Variants in SLC4A4 observed in about 807,000 individuals in gnomAD.
The protein encoded by SLC4A4 is solute carrier family 4 member 4.
Under a neutral mutation model 111.5 loss-of-function variants are expected in SLC4A4, and 27 were observed. The ratio of observed to expected loss-of-function variants is 0.24; its 90% CI spans 0.18 to 0.33. SLC4A4 has a LOEUF of 0.33. Ranked by LOEUF, SLC4A4 falls within the 10% of genes least tolerant of loss-of-function variation. The pLI, the probability that SLC4A4 is intolerant of heterozygous loss-of-function variation, is 1.00. For missense variants in SLC4A4, 909 were observed against 1,315.5 expected (o/e 0.69, Z 4.78); for synonymous variants, 443 against 463.4 (o/e 0.96, Z 0.57).
At chr4:71,414,164 G>A (rs1356953296) in intron 7 of SLC4A4, among the ~76,000 whole-genome samples, 2 of 152,178 alleles carry the variant, frequency 1.3e-5, no homozygotes, top group Admixed American at 6.5e-5. Flanking sequence ...TAATTTCCAG[G>A]TGCCCATGCA....
intron 6 of SLC4A4, among the ~76,000 whole-genome samples, chr4:71,378,536 G>A (rs769662170): frequency 7.7e-4 from 117 of 152,186 alleles, no homozygotes; most frequent in Non-Finnish European, 1.6e-3. Context: ...CAAATATACA[G>A]TAAAGCACTC....
chr4:71,382,222 T>C (rs1192108309), intron 6 of SLC4A4, among the ~76,000 whole-genome samples: 1 of 152,182 alleles, frequency 6.6e-6, no homozygotes, highest in African/African-American at 2.4e-5. Flanking sequence ...AAGTTTTAGT[T>C]TTCCCAGTTT....
intron 20 of SLC4A4, among the ~76,000 whole-genome samples, chr4:71,549,868 T>C (rs1735838931): frequency 6.6e-6 from 1 of 151,958 alleles, no homozygotes; most frequent in African/African-American, 2.4e-5. Flanking sequence ...CTTTTGTTCT[T>C]TACAATGATT....
chr4:71,214,009 A>G (rs1718281101), intron 1 of SLC4A4, among the ~76,000 whole-genome samples: 1 of 152,174 alleles, frequency 6.6e-6, no homozygotes, highest in South Asian at 2.1e-4. Flanking sequence ...CACCCTACGT[A>G]GGCTGCTCCC....
intron 2 of SLC4A4, among the ~76,000 whole-genome samples, chr4:71,159,292 A>G (rs1052134045): frequency 6.6e-5 from 10 of 152,198 alleles, no homozygotes; most frequent in African/African-American, 2.4e-4. Context: ...ACTTCAAACA[A>G]TGATGCAGAT....
At chr4:71,492,510 T>C (rs1730021668) in intron 15 of SLC4A4, among the ~76,000 whole-genome samples, 1 of 151,962 alleles carries the variant, frequency 6.6e-6, no homozygotes, top group African/African-American at 2.4e-5. Context: ...TTTAAATCTT[T>C]TCCCCCAGTA....
Position 71,497,483 on chromosome 4 carries a change from A to G in SLC4A4, c.1975-18A>G. On this transcript the variant is annotated intron_variant, in intron 15 of 25. Transcript: ENST00000264485. The stretch of plus-strand genomic sequence containing the variant: ...TGTCAATGTTCTCTAGAAAAATTTT[A>G]ATGTTTTTCTTCTTCAGTACCATAA... The G allele has an allele frequency of 6.2e-7, 1 of 1,606,376 alleles. No individual in the cohort carries two copies. The highest frequency in any genetic ancestry group is 8.5e-7 in the Non-Finnish European group (1 of 1,174,080).
chr4:71,462,684 C>T (rs1023610905), intron 12 of SLC4A4, among the ~76,000 whole-genome samples: 3 of 152,102 alleles, frequency 2.0e-5, no homozygotes, highest in African/African-American at 2.4e-5. Context: ...GCTGGGATTA[C>T]AGGCGTGAGC....
chr4:71,086,493 G>A (rs1266234689), intron 1 of SLC4A4, among the ~76,000 whole-genome samples: 1 of 152,018 alleles, frequency 6.6e-6, no homozygotes, highest in African/African-American at 2.4e-5. Context: ...AGTTTTCAAA[G>A]GGAATGTTTC....
Position 71,205,740 on chromosome 4 carries a change from C to T in SLC4A4, c.-2+18339C>T, listed in dbSNP as rs550416646. On this transcript the variant is annotated intron_variant, in intron 1 of 25. Transcript: ENST00000264485. The stretch of plus-strand genomic sequence containing the variant: ...AAATAAAATGAGAGCCTGTCAGCTG[C>T]AAGACATCACCTCCAAAAAATCTAA... Among the ~76,000 whole-genome samples the T allele has an allele frequency of 2.0e-5, 3 of 152,308 alleles. No individual in the cohort carries two copies. In the East Asian group the frequency reaches 5.8e-4, roughly 29 times the overall value.
intron 2 of SLC4A4, among the ~76,000 whole-genome samples, chr4:71,116,606 T>C (rs934302583): frequency 6.6e-6 from 1 of 152,230 alleles, no homozygotes; most frequent in Non-Finnish European, 1.5e-5. Flanking sequence ...GGAAGCTGGT[T>C]AATTACCTGG....
intron 7 of SLC4A4, among the ~76,000 whole-genome samples, chr4:71,420,083 T>G (rs1211816705): frequency 6.6e-6 from 1 of 152,158 alleles, no homozygotes; most frequent in Non-Finnish European, 1.5e-5. Context: ...AGTTAAAAAC[T>G]TTGAAACAAA....
intron 7 of SLC4A4, among the ~76,000 whole-genome samples, chr4:71,421,844 G>C (rs1722545626): frequency 6.6e-6 from 1 of 152,048 alleles, no homozygotes; most frequent in East Asian, 1.9e-4. Flanking sequence ...GCAGTGTGTA[G>C]AGGGAAATTT....
intron 1 of SLC4A4, among the ~76,000 whole-genome samples, chr4:71,091,255 T>A (rs1207155775): frequency 2.2e-4 from 3 of 13,648 alleles, no homozygotes; most frequent in Non-Finnish European, 4.4e-4. Context: ...GCCTTGAAAT[T>A]TTTTTTTTTT....
intron 4 of SLC4A4, among the ~76,000 whole-genome samples, chr4:71,342,185 A>G (rs1728951651): frequency 6.6e-6 from 1 of 152,204 alleles, no homozygotes; most frequent in Non-Finnish European, 1.5e-5. Flanking sequence ...CCCAGGATAC[A>G]TCAACTGTTT....
At chr4:71,383,470 AC>A (rs1343929197) in intron 6 of SLC4A4, among the ~76,000 whole-genome samples, 1 of 152,172 alleles carries the variant, frequency 6.6e-6, no homozygotes, top group African/African-American at 2.4e-5. Flanking sequence ...CAAGATTTCA[AC>A]CCCCACCTCA....
chr4:71,121,208 C>T (rs375927301), intron 2 of SLC4A4, among the ~76,000 whole-genome samples: 1 of 152,072 alleles, frequency 6.6e-6, no homozygotes, highest in Non-Finnish European at 1.5e-5. Flanking sequence ...AAGCCTCCCC[C>T]GCTTCCCTCC....
At chr4:71,274,302 C>T (rs187872700) in intron 3 of SLC4A4, among the ~76,000 whole-genome samples, 83 of 152,052 alleles carry the variant, frequency 5.5e-4, no homozygotes, top group Admixed American at 4.1e-3. Flanking sequence ...AGAAGAAGAG[C>T]GGATGGTCTT....
chr4:71,527,390 T>G (rs1285652481), intron 16 of SLC4A4, among the ~76,000 whole-genome samples: 1 of 151,762 alleles, frequency 6.6e-6, no homozygotes, highest in East Asian at 1.9e-4. Context: ...GAAAGAAGAG[T>G]TGAGTATATT....
Sources: allele counts gnomAD v4.1 joint callset (sites outside exome capture counted in the v4.1 genomes callset), GRCh38; gene constraint gnomAD v4.1.1; transcripts MANE v1.5; gene names NCBI Gene and HGNC (gene_info 2026-07-23, HGNC 2026-07-21).